Variants in PRMT8 observed in about 807,000 individuals in gnomAD.
PRMT8 encodes the protein protein arginine methyltransferase 8.
A neutral mutation model predicts 47.1 loss-of-function variants in PRMT8; 7 were observed. That is an observed-to-expected ratio of 0.15 (90% CI 0.08 to 0.28). The LOEUF (loss-of-function observed/expected upper bound fraction) is 0.28. PRMT8 is among the 10% of genes least tolerant of loss of function. The probability of loss-of-function intolerance (pLI) is 1.00; values close to 1 mark genes in which losing one functional copy is unlikely to be tolerated. For synonymous variants in PRMT8, 188 were observed against 186.5 expected (o/e 1.01, Z -0.07); for missense variants, 237 against 505.4 (o/e 0.47, Z 5.09).
chr12:3,421,386 T>C (rs1864539003), intron 1 of PRMT8, among the ~76,000 whole-genome samples: 1 of 152,180 alleles, frequency 6.6e-6, no homozygotes, highest in African/African-American at 2.4e-5. Flanking sequence ...CAGAAGCAGA[T>C]TCCCTTGCTC....
chr12:3,473,408 C>T (rs951695442), intron 1 of PRMT8, among the ~76,000 whole-genome samples: 2 of 152,184 alleles, frequency 1.3e-5, no homozygotes, highest in African/African-American at 2.4e-5. Flanking sequence ...CTCTGGTTCT[C>T]CTCTGCCTCT....
intron 1 of PRMT8, chr12:3,381,590 ATGC>A (rs1299837232): frequency 1.4e-6 from 1 of 738,840 alleles, no homozygotes; most frequent in Non-Finnish European, 2.3e-6. Flanking sequence ...AGTTCATAAC[ATGC>A]TGCTCTGGGC....
upstream of PRMT8, among the ~76,000 whole-genome samples, chr12:3,487,731 C>T (rs1366907959): frequency 6.6e-6 from 1 of 152,210 alleles, no homozygotes; most frequent in East Asian, 1.9e-4. Context: ...CAGTCCAGGC[C>T]TCTCAAGAAC....
chr12:3,546,943 A>C (rs535882023), intron 2 of PRMT8, among the ~76,000 whole-genome samples: 1 of 152,348 alleles, frequency 6.6e-6, no homozygotes, highest in East Asian at 1.9e-4. Flanking sequence ...AAAGGGTAAT[A>C]CATCATGACA....
In PRMT8 at chr12:3,472,376, T is replaced by C. The variant is rs192367690; in HGVS notation, c.49-68230T>C. ...ACTGTTTGATAAATGAATGAATGGA[T>C]GGATGAATAAATGAAACATGAATTT... On this transcript the variant is annotated intron_variant, in intron 1 of 9. Coordinates refer to the PRMT8 transcript ENST00000452611. Among the ~76,000 whole-genome samples, 288 of 152,280 alleles carry C rather than the reference T, an allele frequency of 1.9e-3. 1 individual carries two copies. Among genetic ancestry groups the C allele is most frequent in the Non-Finnish European group, 3.4e-3 (232 of 68,022 alleles).
In PRMT8 at chr12:3,550,066, A is replaced by G; in HGVS notation, c.392A>G (p.Lys131Arg). 3 of 1,614,222 alleles carry G rather than the reference A, an allele frequency of 1.9e-6. No individual in the cohort carries two copies. The highest frequency in any genetic ancestry group is 2.5e-6 in the Non-Finnish European group (3 of 1,180,042). The change falls in exon 3 of 10, where the codon AAG (lysine) becomes AGG (arginine). Residue 131 changes from lysine (K) to arginine (R), a missense_variant. Physicochemically the swap from Lys to Arg is conservative, Grantham distance 26. This residue lies in a region of PRMT8 where 151 missense variants were observed against 341.1 expected (regional missense o/e 0.44). Transcript: ENST00000382622. The surrounding 1 kb of genome is among the most constrained non-coding windows in gnomAD (Gnocchi z 5.1). ...GGGATCCTTTCCATGTTCGCTGCCA[A>G]GGCAGGGGCCAAGAAGGTGTTTGGG... ...GTGILSMFAA[K>R]AGAKKVFGIE...
intron 1 of PRMT8, among the ~76,000 whole-genome samples, chr12:3,447,865 A>T (rs10732597): frequency 3.3e-5 from 5 of 152,088 alleles, no homozygotes; most frequent in Non-Finnish European, 5.9e-5. Flanking sequence ...AACTACATGT[A>T]CTTGGGCACA....
intron 1 of PRMT8, among the ~76,000 whole-genome samples, chr12:3,382,014 C>A (rs1041450727): frequency 3.3e-5 from 5 of 152,188 alleles, no homozygotes; most frequent in African/African-American, 4.8e-5. Flanking sequence ...TGGTTTCACT[C>A]AGCATAATTC....
In PRMT8 at chr12:3,538,960, C is replaced by A. The variant is rs1366551493; in HGVS notation, c.76-1646C>A. 2.0e-5 allele frequency among the ~76,000 whole-genome samples: 3 copies of A among 152,214 alleles called. No homozygotes were observed. Among genetic ancestry groups the A allele is most frequent in the Non-Finnish European group, 4.4e-5 (3 of 68,036 alleles). On this transcript the variant is annotated intron_variant, in intron 1 of 9. Transcript: ENST00000382622. The surrounding 1 kb of genome is among the most constrained non-coding windows in gnomAD (Gnocchi z 4.6). ...GAAGATGGGACCATCCCACTGCCCC[C>A]AGCTCACTCCCCTGCAGCCCTGGAC...
chr12:3,422,273 C>G (rs1864550617), intron 1 of PRMT8, among the ~76,000 whole-genome samples: 1 of 152,174 alleles, frequency 6.6e-6, no homozygotes, highest in Admixed American at 6.5e-5. Flanking sequence ...CTGGACAGAA[C>G]TTTGGTATCA....
Position 3,572,284 on chromosome 12 carries a change from G to A in PRMT8, c.712+2720G>A, listed in dbSNP as rs776829992. On this transcript the variant is annotated intron_variant, in intron 6 of 9. Coordinates refer to ENST00000382622, the MANE Select transcript of PRMT8 (RefSeq NM_019854.5). The surrounding 1 kb of genome is among the most constrained non-coding windows in gnomAD (Gnocchi z 5.9). ...AAGGAAAGTGAACCAGCAGAGGGAT[G>A]TGCAAGGTGTAGTATTTAACTCTTA... Among the ~76,000 whole-genome samples the A allele has an allele frequency of 2.8e-4, 43 of 152,328 alleles. 1 individual carries two copies. The highest frequency in any genetic ancestry group is 6.0e-4 in the Non-Finnish European group (41 of 68,030).
At chr12:3,543,596 G>C (rs2137168633) in intron 2 of PRMT8, among the ~76,000 whole-genome samples, 1 of 152,278 alleles carries the variant, frequency 6.6e-6, no homozygotes, top group Middle Eastern at 3.4e-3. Flanking sequence ...GATAGACTGG[G>C]TTTGATTGAT....
rs1591605426 is a variant in PRMT8, at chr12:3,564,834, G to A, written c.482-3872G>A. Among the ~76,000 whole-genome samples the A allele has an allele frequency of 6.6e-6, 1 of 152,268 alleles. No homozygotes were observed. Among genetic ancestry groups the A allele is most frequent in the Non-Finnish European group, 1.5e-5 (1 of 68,044 alleles). ...TGGAGGAGAAGGGAAGACTGCTGCT[G>A]TGTGTGCCCACACACTTCCTTGAGC... On this transcript the variant is annotated intron_variant, in intron 4 of 9. Transcript: ENST00000382622. This position sits in a 1 kb window ranked among gnomAD's most constrained non-coding sequence, Gnocchi z 4.0.
chr12:3,420,393 T>C (rs1195922876), intron 1 of PRMT8, among the ~76,000 whole-genome samples: 2 of 152,178 alleles, frequency 1.3e-5, no homozygotes, highest in Non-Finnish European at 2.9e-5. Context: ...TGTCTTTTTG[T>C]TTGTCTGTTT....
chr12:3,487,378 C>G (rs1341942856), upstream of PRMT8, among the ~76,000 whole-genome samples: 2 of 152,134 alleles, frequency 1.3e-5, no homozygotes, highest in Non-Finnish European at 2.9e-5. Flanking sequence ...CTTCCTGATT[C>G]TAGGGGCCTG....
At chr12:3,423,749 A>G (rs1355774783) in intron 1 of PRMT8, among the ~76,000 whole-genome samples, 1 of 152,164 alleles carries the variant, frequency 6.6e-6, no homozygotes, top group Non-Finnish European at 1.5e-5. Context: ...AATTTACCAA[A>G]TGGATTCCTT....
At chr12:3,551,076 A>ACCCCCCCCC (rs3837513) in intron 3 of PRMT8, 1 of 137,112 alleles carries the variant, frequency 7.3e-6, no homozygotes, top group African/African-American at 2.7e-5. Context: ...AGCCCTGGGG[A>ACCCCCCCCC]CCCCCCCCCG....
At chr12:3,475,376 A>G (rs1865201874) in intron 1 of PRMT8, among the ~76,000 whole-genome samples, 1 of 152,206 alleles carries the variant, frequency 6.6e-6, no homozygotes, top group South Asian at 2.1e-4. Flanking sequence ...ACTGTCAGAT[A>G]AGGACTGACT....
At position 3,570,844 on chromosome 12, in the gene PRMT8, C is replaced by G. The variant is rs754463062; in HGVS notation, c.712+1280C>G. Among the ~76,000 whole-genome samples the G allele has an allele frequency of 2.6e-5, 4 of 152,170 alleles. No individual in the cohort carries two copies. The highest frequency in any genetic ancestry group is 5.9e-5 in the Non-Finnish European group (4 of 68,036). Reference sequence around the variant, plus strand: ...TGGTTGCTGTCTGCCTCCAGCCAATCTGGTGTGATTTCCACTATTTGACCT... The same window carrying G: ...TGGTTGCTGTCTGCCTCCAGCCAATGTGGTGTGATTTCCACTATTTGACCT... On this transcript the variant is annotated intron_variant, in intron 6 of 9. Coordinates refer to ENST00000382622, the MANE Select transcript of PRMT8 (RefSeq NM_019854.5). This position sits in a 1 kb window ranked among gnomAD's most constrained non-coding sequence, Gnocchi z 5.5.
Sources: gnomAD v4.1 joint callset for allele counts (sites outside exome capture counted in the v4.1 genomes callset) on GRCh38, gnomAD v4.1.1 for gene constraint, gnomAD v4.1.1 regional missense constraint, Gnocchi (gnomAD v3.1) non-coding constraint, MANE v1.5 for transcripts, NCBI Gene and HGNC (gene_info 2026-07-23, HGNC 2026-07-21) for gene names.